The following CDH8 variants were observed in gnomAD, a reference collection of about 807,000 sequenced individuals.
The protein encoded by CDH8 is cadherin 8, also known as cadherin-8.
Under a neutral mutation model 68.1 loss-of-function variants are expected in CDH8, and 17 were observed. The observed-to-expected ratio is 0.25, with a 90% CI of 0.17 to 0.37. The LOEUF (loss-of-function observed/expected upper bound fraction) is 0.37, where lower values mean the gene tolerates loss of function less well. CDH8 is among the 10% of genes least tolerant of loss of function. The pLI is 1.00. For missense variants in CDH8, 763 were observed against 999.3 expected, an observed-to-expected ratio of 0.76 and a Z score of 3.19; for synonymous variants, 372 against 365.1, an observed-to-expected ratio of 1.02 and a Z score of -0.21.
intron 8 of CDH8, among the ~76,000 whole-genome samples, chr16:61,768,509 G>GTAA (rs1356164992): frequency 6.6e-6 from 1 of 150,440 alleles, no homozygotes; most frequent in Non-Finnish European, 1.5e-5. Context: ...TTCTGAAAGG[G>GTAA]TAATACAAAG....
At position 61,654,071 on chromosome 16, in the gene CDH8, C is replaced by G; in HGVS notation, c.1937G>C (p.Arg646Pro). Residue 646 changes from arginine to proline, a missense_variant, in exon 12 of 12, where the codon CGG (arginine) becomes CCG (proline). Arg to Pro is a moderately radical substitution (Grantham distance 103, BLOSUM62 -2). Around this residue, in one of 2 missense-constraint regions of CDH8, gnomAD observed 397 missense variants for 436.2 expected, o/e 0.91. Transcript: ENST00000577390. ...VIVVLFVTLR[R>P]HKNEPLIIKD... ...GATAATTAATGGTTCATTTTTATGC[C>G]GCCGTAGAGTTACAAACAGCACCAC... The G allele has an allele frequency of 6.2e-7, 1 of 1,613,732 alleles. No individual in the cohort carries two copies. Among genetic ancestry groups the G allele is most frequent in the Non-Finnish European group, 8.5e-7 (1 of 1,179,934 alleles).
chr16:62,010,994 T>A (rs1901796729), intron 2 of CDH8, among the ~76,000 whole-genome samples: 2 of 150,878 alleles, frequency 1.3e-5, no homozygotes, highest in Admixed American at 6.6e-5. Context: ...TGTCCCTGGA[T>A]AATGTCATCA....
At chr16:61,899,831 GACACACACACACAC>G (rs35171683) in intron 3 of CDH8, among the ~76,000 whole-genome samples, 6 of 147,334 alleles carry the variant, frequency 4.1e-5, no homozygotes, top group Admixed American at 1.4e-4. Flanking sequence ...ATGTTATAAA[GACACACACACACAC>G]ACACACACAC....
intron 4 of CDH8, among the ~76,000 whole-genome samples, chr16:61,848,805 T>C (rs2143011609): frequency 6.6e-6 from 1 of 152,216 alleles, no homozygotes; most frequent in South Asian, 2.1e-4. Context: ...CAATGAGATG[T>C]AAAGTTAGGT....
intron 4 of CDH8, among the ~76,000 whole-genome samples, chr16:61,834,036 AT>A (rs1480553712): frequency 6.6e-6 from 1 of 151,946 alleles, no homozygotes; most frequent in Non-Finnish European, 1.5e-5. Context: ...ATAATAGGTT[AT>A]TCAACAAATG....
At chr16:61,807,961 T>G (rs1961835222) in intron 7 of CDH8, among the ~76,000 whole-genome samples, 1 of 152,162 alleles carries the variant, frequency 6.6e-6, no homozygotes, top group South Asian at 2.1e-4. Flanking sequence ...ACATATTTGT[T>G]TAATGGGAAT....
intron 4 of CDH8, among the ~76,000 whole-genome samples, chr16:61,845,217 A>C (rs1409548329): frequency 6.6e-6 from 1 of 152,140 alleles, no homozygotes; most frequent in Non-Finnish European, 1.5e-5. Flanking sequence ...GCAAGAAAAT[A>C]AAATCTGCTA....
At chr16:61,765,722 A>G (rs1451673560) in intron 8 of CDH8, among the ~76,000 whole-genome samples, 1 of 152,074 alleles carries the variant, frequency 6.6e-6, no homozygotes, top group Non-Finnish European at 1.5e-5. Context: ...ATAGACCCGT[A>G]GAAATTTTTC....
intron 8 of CDH8, among the ~76,000 whole-genome samples, chr16:61,738,843 T>C (rs1959782270): frequency 6.6e-6 from 1 of 152,158 alleles, no homozygotes; most frequent in African/African-American, 2.4e-5. Flanking sequence ...ATATGGCTTT[T>C]GTTTCTTTTG....
chr16:61,899,813 C>T (rs1963935000), intron 3 of CDH8, among the ~76,000 whole-genome samples: 1 of 138,674 alleles, frequency 7.2e-6, no homozygotes, highest in Non-Finnish European at 1.5e-5. Flanking sequence ...AACTAATTTC[C>T]ATCAGGAATG....
intron 10 of CDH8, chr16:61,692,005 A>G (rs1241587361): frequency 6.6e-6 from 1 of 152,142 alleles, no homozygotes; most frequent in Non-Finnish European, 1.5e-5. Flanking sequence ...AAGGAAGCAG[A>G]TGTAGCCTAA....
At chr16:61,699,801 C>T (rs1353202559) in intron 10 of CDH8, among the ~76,000 whole-genome samples, 4 of 152,154 alleles carry the variant, frequency 2.6e-5, no homozygotes, top group Non-Finnish European at 5.9e-5. Context: ...GCCTTGAACT[C>T]CTGACCATAG....
chr16:61,944,957 A>G (rs1329053491), intron 2 of CDH8, among the ~76,000 whole-genome samples: 1 of 151,346 alleles, frequency 6.6e-6, no homozygotes. Flanking sequence ...TAAAGGAAAG[A>G]AAAAAAAATG....
At chr16:61,827,405 A>G (rs776093705) in intron 4 of CDH8, among the ~76,000 whole-genome samples, 14 of 151,868 alleles carry the variant, frequency 9.2e-5, no homozygotes, top group Non-Finnish European at 1.8e-4. Flanking sequence ...GGTGAGGTCT[A>G]TGCATGAGAC....
intron 2 of CDH8, among the ~76,000 whole-genome samples, chr16:61,932,120 T>C (rs576519464): frequency 6.8e-4 from 100 of 147,678 alleles, no homozygotes; most frequent in African/African-American, 2.4e-3. Context: ...GGCAGGAGAA[T>C]GGCGTGAACC....
At chr16:61,837,273 A>T (rs1378939207) in intron 4 of CDH8, among the ~76,000 whole-genome samples, 5 of 152,014 alleles carry the variant, frequency 3.3e-5, no homozygotes, top group Non-Finnish European at 7.4e-5. Flanking sequence ...TTTTGCTTAT[A>T]ATCACCGGTT....
chr16:61,870,907 G>T (rs1963344615), intron 3 of CDH8, among the ~76,000 whole-genome samples: 1 of 151,948 alleles, frequency 6.6e-6, no homozygotes, highest in Admixed American at 6.6e-5. Context: ...CTATGTTTCT[G>T]GTACAAGTAC....
intron 8 of CDH8, among the ~76,000 whole-genome samples, chr16:61,775,605 G>A (rs926987452): frequency 7.2e-5 from 11 of 151,978 alleles, no homozygotes; most frequent in African/African-American, 2.2e-4. Context: ...CTTGCTCACC[G>A]GGGCTTCCTG....
intron 2 of CDH8, among the ~76,000 whole-genome samples, chr16:61,904,320 T>A (rs926320133): frequency 1.3e-5 from 2 of 152,202 alleles, no homozygotes; most frequent in African/African-American, 4.8e-5. Flanking sequence ...CATATCATAT[T>A]CACTTAAATG....
Sources: gnomAD v4.1 joint callset for allele counts (sites outside exome capture counted in the v4.1 genomes callset) on GRCh38, gnomAD v4.1.1 for gene constraint, gnomAD v4.1.1 regional missense constraint, MANE v1.5 for transcripts, NCBI Gene and HGNC (gene_info 2026-07-23, HGNC 2026-07-21) for gene names.